DOCK5: variants seen among roughly 807,000 people sequenced by gnomAD.
DOCK5 encodes dedicator of cytokinesis 5.
In DOCK5, 142 loss-of-function variants were observed where a neutral mutation model predicts 251.8. That is an observed-to-expected ratio of 0.56 (90% confidence interval 0.49 to 0.65). DOCK5 has a LOEUF of 0.65. DOCK5 is among the 30% of genes least tolerant of loss of function. The probability of loss-of-function intolerance (pLI) is 0.00; values close to 1 mark genes in which losing one functional copy is unlikely to be tolerated. For missense variants in DOCK5, 2,111 were observed against 2,312.3 expected, an observed-to-expected ratio of 0.91 and a Z score of 1.79; for synonymous variants, 842 against 835.5, an observed-to-expected ratio of 1.01 and a Z score of -0.13.
chr8:25,194,012 A>C (rs1441572474), intron 1 of DOCK5, among the ~76,000 whole-genome samples: 1 of 151,710 alleles, frequency 6.6e-6, no homozygotes, highest in East Asian at 1.9e-4. Context: ...GAAGCCGGGC[A>C]TGGTGGCTCA....
intron 30 of DOCK5, 147 bp from the exon 31 acceptor site, chr8:25,366,722 TA>T (rs1399201166): frequency 1.7e-6 from 1 of 576,492 alleles, no homozygotes; most frequent in African/African-American, 1.9e-5. Context: ...TAGGATTGAA[TA>T]ATCAAAACCT....
chr8:25,374,852 A>G (rs958539019), intron 37 of DOCK5, 198 bp downstream of exon 37: 4 of 1,415,918 alleles, frequency 2.8e-6, no homozygotes, highest in Non-Finnish European at 3.7e-6. Context: ...TCTTTTATTT[A>G]AAAATCCTTA....
rs760981712 is a variant in DOCK5, at chr8:25,391,197, C to CTGTG, written c.4356-649_4356-646dup. On this transcript the variant is annotated intron_variant, in intron 42 of 51. Transcript: ENST00000276440. The stretch of plus-strand genomic sequence containing the variant: ...GTAGCTGGGACATACACCACCACAC[C>CTGTG]TGTGTGTGTGTGTGTGTGTGTGTGT... Among the ~76,000 whole-genome samples the CTGTG allele has an allele frequency of 6.1e-3, 140 of 22,900 alleles. 1 individual carries two copies. Among genetic ancestry groups the CTGTG allele is most frequent in the African/African-American group, 7.0e-3 (136 of 19,542 alleles). 15.0% of individuals were successfully genotyped at this position (22,900 alleles called of 152,430 possible). A position where few individuals can be genotyped will look rare whatever the true frequency, so the allele number is the denominator to read the frequency against.
Position 25,340,945 on chromosome 8 carries a change from A to G in DOCK5, c.2396A>G (p.Asn799Ser), listed in dbSNP as rs757574702. 21 of 1,613,306 alleles carry G rather than the reference A, an allele frequency of 1.3e-5. No homozygotes were observed. Among genetic ancestry groups the G allele is most frequent in the Middle Eastern group, 1.6e-4 (1 of 6,084 alleles). The change falls in exon 23 of 52, where the codon AAT becomes AGT. Residue 799 changes from asparagine (N) to serine (S), a missense_variant. By Grantham distance (46) the Asn-to-Ser change is conservative (BLOSUM62 1). This residue lies in a region of DOCK5 where 1,717 missense variants were observed against 1,892.4 expected (regional missense o/e 0.91). Coordinates refer to ENST00000276440, the MANE Select transcript of DOCK5 (RefSeq NM_024940.8). ...NSIRQLFLAF[N>S]MLMDRPLEEA... ...ATTCGCCAGTTATTTCTTGCTTTCAATATGCTGATGGACAGGCCTCTGGAG... is the reference window on the plus strand; with the variant it reads ...ATTCGCCAGTTATTTCTTGCTTTCAGTATGCTGATGGACAGGCCTCTGGAG...
intron 26 of DOCK5, among the ~76,000 whole-genome samples, chr8:25,349,883 C>G (rs1800435511): frequency 6.6e-6 from 1 of 152,110 alleles, no homozygotes; most frequent in African/African-American, 2.4e-5. Flanking sequence ...TCCATGTAAC[C>G]AGAAACCACT....
At chr8:25,345,307 G>T in intron 25 of DOCK5, 168 bp from the exon 26 acceptor site, 3 of 672,706 alleles carry the variant, frequency 4.5e-6, no homozygotes, top group Non-Finnish European at 4.7e-6. Flanking sequence ...GTAAAGTTCC[G>T]TGCCTAAAAC....
chr8:25,363,043 G>A lies in DOCK5; in HGVS notation c.2950-4G>A, dbSNP rs564216810. ...TCCCCCAACCACTCCTCTGTTCTCCGCAGGACTTCCTCATGGAAACTTTTA... is the reference window on the plus strand; with the variant it reads ...TCCCCCAACCACTCCTCTGTTCTCCACAGGACTTCCTCATGGAAACTTTTA... On this transcript the variant is annotated splice_polypyrimidine_tract_variant and splice_region_variant and intron_variant, in intron 28 of 51. Transcript: ENST00000276440. The A allele has an allele frequency of 5.7e-5, 92 of 1,613,240 alleles. No homozygotes were observed. The East Asian group carries it at 7.1e-4, about 13-fold the overall frequency.
chr8:25,410,993 ACG>A (rs879373595), intron 51 of DOCK5, among the ~76,000 whole-genome samples, 199 bp from the exon 52 acceptor site: 40,303 of 101,532 alleles, frequency 0.4, 5,969 homozygotes, highest in East Asian at 0.44. Flanking sequence ...GCACGCACGC[ACG>A]CACGCACGCG....
chr8:25,389,223 C>G lies in DOCK5; in HGVS notation c.4264C>G (p.Pro1422Ala), dbSNP rs1235518532. Reference sequence around the variant, plus strand: ...TCCTGGGGAAGACATCAAGTCGTCCCCCAAGCAGTGTATCCTTTCCGGGGG... The same window carrying G: ...TCCTGGGGAAGACATCAAGTCGTCCGCCAAGCAGTGTATCCTTTCCGGGGG... The part of the protein sequence containing the change: ...TPPGEDIKSS[P>A]KQYMQCFTVK... Residue 1422 changes from proline (P) to alanine (A), a missense_variant, in exon 41 of 52, where the codon CCC (proline) becomes GCC (alanine). Pro to Ala is a conservative substitution (Grantham distance 27). This residue lies in a region of DOCK5 where 1,717 missense variants were observed against 1,892.4 expected (regional missense o/e 0.91). Coordinates refer to ENST00000276440, the MANE Select transcript of DOCK5 (RefSeq NM_024940.8). 3.1e-6 allele frequency: 5 copies of G among 1,613,828 alleles called. No homozygotes were observed. The South Asian group carries it at 5.5e-5, about 18-fold the overall frequency.
chr8:25,327,443 C>T (rs1019661784), intron 18 of DOCK5, among the ~76,000 whole-genome samples: 4 of 151,816 alleles, frequency 2.6e-5, no homozygotes, highest in African/African-American at 9.7e-5. Context: ...CCTTTCTGGA[C>T]TACAGATTAA....
At chr8:25,409,921 C>T (rs910341535) in intron 50 of DOCK5, 178 bp from the exon 51 acceptor site, 5 of 556,210 alleles carry the variant, frequency 9.0e-6, no homozygotes, top group South Asian at 2.6e-5. Context: ...CTGGCGAGGG[C>T]GTCACCTGTG....
intron 5 of DOCK5, among the ~76,000 whole-genome samples, chr8:25,283,687 A>G (rs931783833): frequency 2.6e-5 from 4 of 152,116 alleles, no homozygotes; most frequent in Admixed American, 6.5e-5. Context: ...CCCTTATCCA[A>G]GGTCGCTTCC....
chr8:25,262,401 C>T lies in DOCK5; in HGVS notation c.128-6444C>T, dbSNP rs144170139. ...CAAGCTACAGAACCATTCCGTCAGCCCCCAAGTTCTCCTGTGTCCCTTTTC... is the reference window on the plus strand; with the variant it reads ...CAAGCTACAGAACCATTCCGTCAGCTCCCAAGTTCTCCTGTGTCCCTTTTC... On this transcript the variant is annotated intron_variant, in intron 2 of 51. Transcript: ENST00000276440. Among the ~76,000 whole-genome samples, 43 of 152,244 alleles carry T rather than the reference C, an allele frequency of 2.8e-4. 1 individual carries two copies. In the East Asian group the frequency reaches 7.9e-3, roughly 28 times the overall value.
chr8:25,216,108 GTATA>G lies in DOCK5; in HGVS notation c.44-27565_44-27562del, dbSNP rs1460357815. On this transcript the variant is annotated intron_variant, in intron 1 of 51. Transcript: ENST00000276440. ...ACATATGTACACAATGTCTATATGT[GTATA>G]CAATATGTATGTATACAATATGTCT... is the stretch of plus-strand genomic sequence containing the variant. 2.0e-5 allele frequency among the ~76,000 whole-genome samples: 3 copies of G among 151,150 alleles called. No individual in the cohort carries two copies. In the East Asian group the frequency reaches 5.8e-4, roughly 29 times the overall value.
chr8:25,259,554 CAA>C (rs1263781990), intron 2 of DOCK5, among the ~76,000 whole-genome samples: 1 of 152,180 alleles, frequency 6.6e-6, no homozygotes, highest in Non-Finnish European at 1.5e-5. Context: ...TTCCTGAGCT[CAA>C]GTGATCCTCC....
intron 1 of DOCK5, among the ~76,000 whole-genome samples, chr8:25,229,246 C>A (rs1288061935): frequency 6.6e-6 from 1 of 152,044 alleles, no homozygotes; most frequent in East Asian, 1.9e-4. Flanking sequence ...CTTTGGGAGG[C>A]CAAGGCAGGC....
intron 1 of DOCK5, among the ~76,000 whole-genome samples, chr8:25,187,222 T>C (rs534612463): frequency 5.5e-4 from 79 of 144,792 alleles, no homozygotes; most frequent in African/African-American, 2.0e-3. Context: ...TATATATACA[T>C]ATATATACGT....
chr8:25,193,459 A>C lies in DOCK5; in HGVS notation c.43+8508A>C, dbSNP rs145663171. ...GACCATTTTAAATAGAAAAATCACC[A>C]GCAAAAAGCACAAAAATGAGGCCAA... is the stretch of plus-strand genomic sequence containing the variant. On this transcript the variant is annotated intron_variant, in intron 1 of 51. Transcript: ENST00000276440. Among the ~76,000 whole-genome samples the C allele has an allele frequency of 1.7e-3, 259 of 151,408 alleles. 1 individual carries two copies. Among genetic ancestry groups the C allele is most frequent in the African/African-American group, 5.9e-3 (243 of 41,230 alleles).
intron 34 of DOCK5, among the ~76,000 whole-genome samples, chr8:25,370,168 C>T (rs1800848988): frequency 6.6e-6 from 1 of 152,172 alleles, no homozygotes; most frequent in Non-Finnish European, 1.5e-5. Context: ...TCCCCTCTTC[C>T]CCCACCACCA....
Sources: allele counts gnomAD v4.1 joint callset (sites outside exome capture counted in the v4.1 genomes callset), GRCh38; gene constraint gnomAD v4.1.1; regional missense constraint gnomAD v4.1.1; transcripts MANE v1.5; gene names NCBI Gene and HGNC (gene_info 2026-07-23, HGNC 2026-07-21).